Variants in AKT3 observed in about 807,000 individuals in gnomAD.
AKT3 encodes the protein AKT serine/threonine kinase 3.
A neutral mutation model predicts 65.3 loss-of-function variants in AKT3; 15 were observed. The ratio of observed to expected loss-of-function variants is 0.23; its 90% CI spans 0.15 to 0.35. AKT3 has a LOEUF of 0.35. Among genes scored for constraint, AKT3 ranks in the 10% least tolerant of loss-of-function variants. The probability of loss-of-function intolerance (pLI) is 1.00; values close to 1 mark genes in which losing one functional copy is unlikely to be tolerated. For missense variants in AKT3, 243 were observed against 576.5 expected, an observed-to-expected ratio of 0.42 and a Z score of 5.92; for synonymous variants, 206 against 183.8, an observed-to-expected ratio of 1.12 and a Z score of -0.98.
Position 243,561,820 on chromosome 1 carries a change from T to C in AKT3, c.948+1900A>G, listed in dbSNP as rs61833177. Among the ~76,000 whole-genome samples, 202 of 152,264 alleles carry C rather than the reference T, an allele frequency of 1.3e-3. 1 individual carries two copies. Among genetic ancestry groups the C allele is most frequent in the Non-Finnish European group, 1.0e-3 (71 of 68,008 alleles). Reference sequence around the variant, plus strand: ...CATCAACCATCACTTTCGCTGAACATAGTATCTGTGAAAGATGTTATTTTT... The same window carrying C: ...CATCAACCATCACTTTCGCTGAACACAGTATCTGTGAAAGATGTTATTTTT... On this transcript the variant is annotated intron_variant, in intron 10 of 13. Transcript: ENST00000673466.
chr1:243,510,383 T>C (rs1302074799), intron 13 of AKT3, among the ~76,000 whole-genome samples: 1 of 152,154 alleles, frequency 6.6e-6, no homozygotes, highest in East Asian at 1.9e-4. Context: ...TGCATGTTAG[T>C]GGCGGAAATA....
At chr1:243,837,979 T>C (rs923861001) in intron 2 of AKT3, among the ~76,000 whole-genome samples, 2 of 152,172 alleles carry the variant, frequency 1.3e-5, no homozygotes, top group East Asian at 1.9e-4. Context: ...ACCATCTATG[T>C]AGAAAATCTT....
Position 243,822,404 on chromosome 1 carries a change from A to G in AKT3, c.46+20721T>C, listed in dbSNP as rs1248862474. Among the ~76,000 whole-genome samples, 7 of 152,008 alleles carry G rather than the reference A, an allele frequency of 4.6e-5. No homozygotes were observed. The East Asian group carries it at 1.3e-3, about 29-fold the overall frequency. ...AGAGCAAACAAACCACAAAGCTAGC[A>G]GAAGACAAGAAGTAACCAAGATCAG... On this transcript the variant is annotated intron_variant, in intron 2 of 13. Transcript: ENST00000673466.
chr1:243,845,750 C>T (rs909648380), intron 1 of AKT3, among the ~76,000 whole-genome samples: 4 of 151,562 alleles, frequency 2.6e-5, no homozygotes, highest in Non-Finnish European at 4.4e-5. Context: ...ATATATGGTC[C>T]ATTAAATACC....
At chr1:243,746,015 C>T (rs1040982359) in intron 2 of AKT3, among the ~76,000 whole-genome samples, 9 of 152,142 alleles carry the variant, frequency 5.9e-5, no homozygotes, top group African/African-American at 2.2e-4. Context: ...TAAAATTCAG[C>T]TTTAATGCAG....
intron 2 of AKT3, among the ~76,000 whole-genome samples, chr1:243,723,137 T>C (rs993372178): frequency 2.8e-4 from 43 of 152,250 alleles, no homozygotes; most frequent in Admixed American, 8.5e-4. Context: ...TCAATCACAA[T>C]ATAACGAAAA....
At chr1:243,710,995 T>C (rs1686113161) in intron 2 of AKT3, among the ~76,000 whole-genome samples, 1 of 152,212 alleles carries the variant, frequency 6.6e-6, no homozygotes, top group Non-Finnish European at 1.5e-5. Context: ...GTTACTTTTT[T>C]AAGTATGAAA....
At chr1:243,696,087 T>C (rs1479367843) in intron 2 of AKT3, among the ~76,000 whole-genome samples, 2 of 151,726 alleles carry the variant, frequency 1.3e-5, no homozygotes, top group Non-Finnish European at 3.0e-5. Context: ...GAATTTCCAT[T>C]AAAAACATTT....
At chr1:243,564,075 A>C (rs1292469532) in intron 9 of AKT3, among the ~76,000 whole-genome samples, 2 of 152,246 alleles carry the variant, frequency 1.3e-5, no homozygotes, top group African/African-American at 2.4e-5. Flanking sequence ...ACCGATGGGA[A>C]TAAGTGATAT....
At chr1:243,849,278 C>A (rs2148489471) in intron 1 of AKT3, among the ~76,000 whole-genome samples, 1 of 152,292 alleles carries the variant, frequency 6.6e-6, no homozygotes, top group Admixed American at 6.5e-5. Context: ...TCAGCCAAAC[C>A]CAGCATCTTC....
intron 2 of AKT3, among the ~76,000 whole-genome samples, chr1:243,819,186 G>A (rs562083502): frequency 1.6e-4 from 25 of 152,342 alleles, no homozygotes; most frequent in African/African-American, 5.8e-4. Context: ...TGTCCAAGAC[G>A]ACTAAGCTCC....
At chr1:243,574,324 G>C (rs1221241118) in intron 8 of AKT3, among the ~76,000 whole-genome samples, 1 of 149,258 alleles carries the variant, frequency 6.7e-6, no homozygotes, top group Non-Finnish European at 1.5e-5. Context: ...AGTAAACAGA[G>C]AGAGAGAGAA....
intron 2 of AKT3, among the ~76,000 whole-genome samples, chr1:243,790,744 T>C (rs183999527): frequency 2.4e-4 from 37 of 152,330 alleles, no homozygotes; most frequent in African/African-American, 6.7e-4. Context: ...CGTGTGATTG[T>C]TCCTTTCACT....
chr1:243,691,287 G>GC (rs1684674735), intron 3 of AKT3, among the ~76,000 whole-genome samples: 1 of 152,180 alleles, frequency 6.6e-6, no homozygotes, highest in Admixed American at 6.5e-5. Context: ...GAGAGATCCT[G>GC]CAAGAGTTGA....
At chr1:243,788,197 A>T (rs1010531814) in intron 2 of AKT3, among the ~76,000 whole-genome samples, 3 of 152,198 alleles carry the variant, frequency 2.0e-5, no homozygotes, top group African/African-American at 7.2e-5. Context: ...CAGGGAATAT[A>T]GCTTATTATA....
chr1:243,603,390 T>C (rs1290672863), intron 8 of AKT3, among the ~76,000 whole-genome samples: 3 of 152,214 alleles, frequency 2.0e-5, no homozygotes, highest in African/African-American at 7.2e-5. Flanking sequence ...TACTCTGTTG[T>C]ACCTAATCTC....
At chr1:243,850,396 C>G (rs1036519468), upstream of AKT3, among the ~76,000 whole-genome samples, 1 of 151,158 alleles carries the variant, frequency 6.6e-6, no homozygotes, top group Non-Finnish European at 1.5e-5. Context: ...CGGATATCGG[C>G]TACAAATTCA....
At chr1:243,518,076 G>A (rs1006084148) in intron 12 of AKT3, among the ~76,000 whole-genome samples, 7 of 152,214 alleles carry the variant, frequency 4.6e-5, no homozygotes, top group Non-Finnish European at 7.3e-5. Flanking sequence ...ATAAGAACTG[G>A]AGCGGCAAAA....
At chr1:243,642,088 A>G (rs976737379) in intron 5 of AKT3, among the ~76,000 whole-genome samples, 9 of 152,214 alleles carry the variant, frequency 5.9e-5, no homozygotes, top group South Asian at 2.1e-4. Flanking sequence ...GGAAATTACT[A>G]TTAGTTAAAA....
Sources: allele counts gnomAD v4.1 joint callset (sites outside exome capture counted in the v4.1 genomes callset), GRCh38; gene constraint gnomAD v4.1.1; transcripts MANE v1.5; gene names NCBI Gene and HGNC (gene_info 2026-07-23, HGNC 2026-07-21).